The following ABR variants were observed in gnomAD, a reference collection of about 807,000 sequenced individuals.
The protein encoded by ABR is ABR activator of RhoGEF and GTPase, also known as active breakpoint cluster region-related protein.
A neutral mutation model predicts 107.2 loss-of-function variants in ABR; 35 were observed. The ratio of observed to expected loss-of-function variants is 0.33; its 90% CI spans 0.25 to 0.43. ABR has a LOEUF of 0.43. ABR is among the 20% of genes least tolerant of loss of function. ABR has a pLI of 1.00. For missense variants in ABR, 815 were observed against 1,115.2 expected (o/e 0.73, Z 3.83); for synonymous variants, 498 against 462.0 (o/e 1.08, Z -1.00).
At chr17:1,079,959 C>T (rs925534655) in intron 5 of ABR, among the ~76,000 whole-genome samples, 8 of 151,982 alleles carry the variant, frequency 5.3e-5, no homozygotes, top group Non-Finnish European at 1.0e-4. Flanking sequence ...ACTCCAGGTC[C>T]CAGAGATGAG....
At chr17:1,114,602 G>A (rs192382414) in intron 2 of ABR, among the ~76,000 whole-genome samples, 455 of 152,066 alleles carry the variant, frequency 3.0e-3, no homozygotes, top group Non-Finnish European at 4.6e-3. Flanking sequence ...GTGAAACCCC[G>A]TCTCTACTAA....
rs544983355 is a variant in ABR, at chr17:1,111,399, C to T, written c.247-10664G>A. On this transcript the variant is annotated intron_variant, in intron 2 of 22. Transcript: ENST00000302538. ...GACACAGACTCCACTCACAGGCCCT[C>T]GGTGCCCCCCTGGAGGGGAAGTGAC... Among the ~76,000 whole-genome samples, 6 of 152,284 alleles carry T rather than the reference C, an allele frequency of 3.9e-5. 1 individual carries two copies. The highest frequency in any genetic ancestry group is 1.2e-4 in the African/African-American group (5 of 41,556).
chr17:1,020,592 G>T (rs2071548744), intron 16 of ABR, among the ~76,000 whole-genome samples: 1 of 152,180 alleles, frequency 6.6e-6, no homozygotes, highest in African/African-American at 2.4e-5. Context: ...AGGTGAGCGT[G>T]GATTCTCTGC....
rs373109728 is a variant in ABR, at chr17:1,155,129, G to A, written c.61+24538C>T. On this transcript the variant is annotated intron_variant, in intron 1 of 22. Transcript: ENST00000302538. ...TTCAGCTCTGGGATGTCCCAGCAATGTGTACTATGGGAGCCTCCAGGATGA... is the reference window on the plus strand; with the variant it reads ...TTCAGCTCTGGGATGTCCCAGCAATATGTACTATGGGAGCCTCCAGGATGA... 1.8e-4 allele frequency among the ~76,000 whole-genome samples: 27 copies of A among 152,270 alleles called. 1 individual carries two copies. In the East Asian group the frequency reaches 5.2e-3, roughly 29 times the overall value.
chr17:1,070,732 AC>A lies in ABR; in HGVS notation c.895-643del, dbSNP rs1447290660. ...CTGGGCTCTGGGTGGTTTCTGCTCC[AC>A]GTGGGAGTTCCAGAGTTTCCAACCC... On this transcript the variant is annotated intron_variant, in intron 8 of 22. Coordinates refer to ENST00000302538, the MANE Select transcript of ABR (RefSeq NM_021962.5). The surrounding 1 kb of genome is among the most constrained non-coding windows in gnomAD (Gnocchi z 4.2). Among the ~76,000 whole-genome samples, 1 of 152,122 alleles carries A rather than the reference AC, an allele frequency of 6.6e-6. No individual in the cohort carries two copies. The highest frequency in any genetic ancestry group is 2.4e-5 in the African/African-American group (1 of 41,430).
At chr17:1,177,593 G>A (rs1360389070) in intron 1 of ABR, among the ~76,000 whole-genome samples, 1 of 152,132 alleles carries the variant, frequency 6.6e-6, no homozygotes, top group African/African-American at 2.4e-5. Flanking sequence ...AAGAGGGTGG[G>A]GTATGGAAGA....
At chr17:1,039,898 GGTGTCCCACGACAGGGAGCTATGGGGGCT>G (rs2030037504) in intron 16 of ABR, among the ~76,000 whole-genome samples, 1 of 152,172 alleles carries the variant, frequency 6.6e-6, no homozygotes, top group Admixed American at 6.5e-5. Flanking sequence ...AGGTCACTCC[GGTGTCCCACGACAGGGAGCTATGGGGGCT>G]GTGAGTGCCA....
chr17:1,005,782 CACT>C lies in ABR; in HGVS notation c.*295_*297del. 1 of 454,560 alleles carries C rather than the reference CACT, an allele frequency of 2.2e-6. No homozygotes were observed. Among genetic ancestry groups the C allele is most frequent in the Non-Finnish European group, 4.0e-6 (1 of 251,228 alleles). The allele number at this position is 454,560 out of a possible 1,614,324, so 28.2% of individuals were successfully genotyped here. A position where few individuals can be genotyped will look rare whatever the true frequency, so the allele number is the denominator to read the frequency against. ...GTCTGTGTGCCCACGCCGGGCCGGT[CACT>C]ACCTTTTCTGCCTGACAAGTGTACA... On this transcript the variant is annotated 3_prime_UTR_variant, in exon 23 of 23. Transcript: ENST00000302538.
chr17:1,056,219 C>T (rs2033255375), intron 13 of ABR, 110 bp from the exon 14 acceptor site: 1 of 913,342 alleles, frequency 1.1e-6, no homozygotes, highest in Non-Finnish European at 1.8e-6. Context: ...GAGTCTTGGT[C>T]CAACATCACC....
intron 1 of ABR, among the ~76,000 whole-genome samples, chr17:1,193,680 T>C (rs1347339992): frequency 6.6e-6 from 1 of 152,004 alleles, no homozygotes; most frequent in Non-Finnish European, 1.5e-5. Context: ...GCAGCCCTTT[T>C]TGTTTGTGTG....
At position 1,149,563 on chromosome 17, in the gene ABR, A is replaced by G. The variant is rs879860752; in HGVS notation, c.62-24196T>C. ...CTCCCGAGTAGGTGGGATTACAGGCATGCACCACCACACCCAGCTAATTTT... is the reference window on the plus strand; with the variant it reads ...CTCCCGAGTAGGTGGGATTACAGGCGTGCACCACCACACCCAGCTAATTTT... On this transcript the variant is annotated intron_variant, in intron 1 of 22. Transcript: ENST00000302538. Among the ~76,000 whole-genome samples, 7 of 152,012 alleles carry G rather than the reference A, an allele frequency of 4.6e-5. 1 individual carries two copies. Among genetic ancestry groups the G allele is most frequent in the African/African-American group, 9.6e-5 (4 of 41,482 alleles).
chr17:1,148,877 C>T lies in ABR; in HGVS notation c.62-23510G>A, dbSNP rs2040669752. On this transcript the variant is annotated intron_variant, in intron 1 of 22. Transcript: ENST00000302538. This position sits in a 1 kb window ranked among gnomAD's most constrained non-coding sequence, Gnocchi z 4.9. The stretch of plus-strand genomic sequence containing the variant: ...GAAAATTTTAGGCATGTGTATTTTG[C>T]CATGATTTTCTTTTGTTTTTTGTTT... Among the ~76,000 whole-genome samples, 3 of 152,042 alleles carry T rather than the reference C, an allele frequency of 2.0e-5. No individual in the cohort carries two copies. Among genetic ancestry groups the T allele is most frequent in the Admixed American group, 2.0e-4 (3 of 15,270 alleles).
At chr17:1,032,255 A>C (rs2072866243) in intron 16 of ABR, among the ~76,000 whole-genome samples, 1 of 151,264 alleles carries the variant, frequency 6.6e-6, no homozygotes, top group East Asian at 2.0e-4. Flanking sequence ...GCACTTCCCC[A>C]CCCCCAACTT....
chr17:1,194,716 C>A (rs1395977632), intron 1 of ABR, among the ~76,000 whole-genome samples: 1 of 123,502 alleles, frequency 8.1e-6, no homozygotes, highest in Admixed American at 1.0e-4. Flanking sequence ...TGCAGTGGTG[C>A]GGTCTCAGCT....
intron 6 of ABR, among the ~76,000 whole-genome samples, chr17:1,074,088 TCA>T: frequency 6.9e-6 from 1 of 145,766 alleles, no homozygotes; most frequent in Non-Finnish European, 1.5e-5. Context: ...GACCCCAGAA[TCA>T]CACAGCTCCA....
rs1036323769 is a variant in ABR at position 1,150,270 on chromosome 17, C to G, written c.62-24903G>C. Among the ~76,000 whole-genome samples the G allele has an allele frequency of 2.6e-5, 4 of 152,206 alleles. No individual in the cohort carries two copies. The highest frequency in any genetic ancestry group is 5.9e-5 in the Non-Finnish European group (4 of 68,032). ...TGCTAAAGATAACAGAGCACTTGGC[C>G]AAGCCAGCGCGATGTCTGCACTCAG... On this transcript the variant is annotated intron_variant, in intron 1 of 22. Transcript: ENST00000302538. The surrounding 1 kb of genome is among the most constrained non-coding windows in gnomAD (Gnocchi z 4.8).
At chr17:1,195,375 C>T (rs537256911) in intron 1 of ABR, among the ~76,000 whole-genome samples, 5 of 150,392 alleles carry the variant, frequency 3.3e-5, no homozygotes, top group East Asian at 2.1e-4. Flanking sequence ...GGATTACAGG[C>T]GTGAGCCATC....
chr17:1,032,446 G>A (rs969558821), intron 16 of ABR, among the ~76,000 whole-genome samples: 7 of 152,198 alleles, frequency 4.6e-5, no homozygotes, highest in African/African-American at 1.2e-4. Flanking sequence ...GAAACGACGC[G>A]GGTCACACGT....
At chr17:1,140,774 G>T (rs1003896148) in intron 1 of ABR, among the ~76,000 whole-genome samples, 1 of 152,024 alleles carries the variant, frequency 6.6e-6, no homozygotes, top group Non-Finnish European at 1.5e-5. Context: ...GTAGAGATGG[G>T]GTTTCACCAT....
Sources: allele counts gnomAD v4.1 joint callset (sites outside exome capture counted in the v4.1 genomes callset), GRCh38; gene constraint gnomAD v4.1.1; non-coding constraint Gnocchi (gnomAD v3.1); transcripts MANE v1.5; gene names NCBI Gene and HGNC (gene_info 2026-07-23, HGNC 2026-07-21).